Variants in SF3A1 observed in about 807,000 individuals in gnomAD.
The protein encoded by SF3A1 is SAP 114.
In SF3A1, 13 loss-of-function variants were observed where a neutral mutation model predicts 89.9. The observed-to-expected ratio is 0.14, with a 90% CI of 0.09 to 0.23. The LOEUF (loss-of-function observed/expected upper bound fraction) is 0.23. SF3A1 is among the 10% of genes least tolerant of loss of function. The pLI is 1.00. For missense variants in SF3A1, 604 were observed against 1,022.1 expected, an observed-to-expected ratio of 0.59 and a Z score of 5.58; for synonymous variants, 405 against 374.4, an observed-to-expected ratio of 1.08 and a Z score of -0.94.
chr22:30,337,205 C>T, intron 12 of SF3A1, 25 bp from the exon 13 acceptor site: 4 of 1,586,386 alleles, frequency 2.5e-6, no homozygotes, highest in Non-Finnish European at 3.4e-6. Context: ...ATAAGCAGCC[C>T]CATGAGAGGG....
intron 1 of SF3A1, among the ~76,000 whole-genome samples, chr22:30,354,537 T>G (rs1260659420): frequency 6.6e-6 from 1 of 152,146 alleles, no homozygotes; most frequent in Non-Finnish European, 1.5e-5. Context: ...CTGTTCTTGG[T>G]TCTCTTCTCA....
At chr22:30,351,991 T>C (rs920634168) in intron 2 of SF3A1, among the ~76,000 whole-genome samples, 3 of 152,070 alleles carry the variant, frequency 2.0e-5, no homozygotes, top group Non-Finnish European at 2.9e-5. Flanking sequence ...GTAAGTACAG[T>C]GGGGAGAGAC....
intron 2 of SF3A1, 43 bp from the exon 3 acceptor site, chr22:30,346,562 T>A (rs1483938283): frequency 6.2e-7 from 1 of 1,604,940 alleles, no homozygotes; most frequent in African/African-American, 1.3e-5. Flanking sequence ...CACTCCCTTG[T>A]GCCTGCTGTG....
chr22:30,345,563 T>C (rs1461850814), intron 3 of SF3A1, among the ~76,000 whole-genome samples: 1 of 152,136 alleles, frequency 6.6e-6, no homozygotes, highest in Non-Finnish European at 1.5e-5. Context: ...AAAACCCCAC[T>C]GTACAAAGTG....
At position 30,340,199 on chromosome 22, in the gene SF3A1, G is replaced by T; in HGVS notation, c.1372C>A (p.Pro458Thr). Residue 458 changes from proline to threonine, a missense_variant, in exon 9 of 16, where the codon CCA becomes ACA. Pro to Thr is a conservative substitution (Grantham distance 38, BLOSUM62 -1). Transcript: ENST00000215793. ...TCTCCTGGAACCCCCACCTCACCTGGTGCGTACACCTCATCATCGCTCTGC... is the reference window on the plus strand; with the variant it reads ...TCTCCTGGAACCCCCACCTCACCTGTTGCGTACACCTCATCATCGCTCTGC... ...EKQSDDEVYAPGLDIESSLKQ... is the reference protein window; with the variant it reads ...EKQSDDEVYATGLDIESSLKQ... 1 of 1,541,550 alleles carries T rather than the reference G, an allele frequency of 6.5e-7. No homozygotes were observed. Among genetic ancestry groups the T allele is most frequent in the Non-Finnish European group, 8.7e-7 (1 of 1,146,570 alleles).
chr22:30,337,190 CAAG>C lies in SF3A1; in HGVS notation c.1952-13_1952-11del. The C allele has an allele frequency of 1.2e-6, 2 of 1,600,710 alleles. No individual in the cohort carries two copies. The highest frequency in any genetic ancestry group is 4.5e-5 in the East Asian group (2 of 44,826). ...GGAGCAGGCACAAAGGCTGCAAAGA[CAAG>C]AATAAGCAGCCCCATGAGAGGGCAG... On this transcript the variant is annotated splice_polypyrimidine_tract_variant and intron_variant, in intron 12 of 15. Transcript: ENST00000215793.
chr22:30,338,574 A>C lies in SF3A1; in HGVS notation c.1743+215T>G, dbSNP rs189352042. Among the ~76,000 whole-genome samples the C allele has an allele frequency of 2.1e-4, 32 of 151,864 alleles. No individual in the cohort carries two copies. The East Asian group carries it at 5.8e-3, about 28-fold the overall frequency. On this transcript the variant is annotated intron_variant, in intron 11 of 15. Transcript: ENST00000215793. ...CTTCTCTGACGCCAACTGGTTTCTC[A>C]TATTTGCCACTTACCTCCCTCCCTG...
At position 30,337,018 on chromosome 22, in the gene SF3A1, T is replaced by A; in HGVS notation, c.2106+8A>T. ...TAGAAACTTCAGCAGCATTCTGGGATTACATACCTTGTTTCTGCGCAGGAA... is the reference window on the plus strand; with the variant it reads ...TAGAAACTTCAGCAGCATTCTGGGAATACATACCTTGTTTCTGCGCAGGAA... On this transcript the variant is annotated splice_region_variant and intron_variant, in intron 13 of 15. Transcript: ENST00000215793. 1 of 1,613,994 alleles carries A rather than the reference T, an allele frequency of 6.2e-7. No individual in the cohort carries two copies. Among genetic ancestry groups the A allele is most frequent in the Non-Finnish European group, 8.5e-7 (1 of 1,179,964 alleles).
At chr22:30,356,485 G>C (rs1045138652) in intron 1 of SF3A1, 5 of 393,510 alleles carry the variant, frequency 1.3e-5, no homozygotes, top group Non-Finnish European at 2.2e-5. Context: ...CTACGGCGGA[G>C]ACTCCACATT....
chr22:30,353,581 C>T (rs538558791), intron 1 of SF3A1, among the ~76,000 whole-genome samples: 1 of 152,182 alleles, frequency 6.6e-6, no homozygotes, highest in Admixed American at 6.5e-5. Flanking sequence ...TATGAGAAAG[C>T]ACTGTAAAAC....
chr22:30,353,760 G>A (rs543082932), intron 1 of SF3A1, among the ~76,000 whole-genome samples: 55 of 152,172 alleles, frequency 3.6e-4, no homozygotes, highest in African/African-American at 1.1e-3. Context: ...CGACGCTCCC[G>A]GATGAATAAA....
intron 13 of SF3A1, among the ~76,000 whole-genome samples, chr22:30,336,093 G>A (rs149466560): frequency 1.0e-3 from 158 of 152,264 alleles, no homozygotes; most frequent in Non-Finnish European, 5.3e-4. Context: ...CAGCTAACAA[G>A]GTTTGTCTGA....
rs577593307 is a variant in SF3A1 at position 30,350,323 on chromosome 22, A to T, written c.185+2628T>A. Among the ~76,000 whole-genome samples, 32 of 149,238 alleles carry T rather than the reference A, an allele frequency of 2.1e-4. 1 individual carries two copies. The highest frequency in any genetic ancestry group is 4.3e-4 in the South Asian group (2 of 4,698). ...AAAAACTAAAAAAAATAAAAAAAATAAAAAAAAAATTAGCTGGGTGTGGTG... is the reference window on the plus strand; with the variant it reads ...AAAAACTAAAAAAAATAAAAAAAATTAAAAAAAAATTAGCTGGGTGTGGTG... On this transcript the variant is annotated intron_variant, in intron 2 of 15. Coordinates refer to ENST00000215793, the MANE Select transcript of SF3A1 (RefSeq NM_005877.6).
chr22:30,345,541 A>T (rs1931392991), intron 3 of SF3A1, among the ~76,000 whole-genome samples: 1 of 152,186 alleles, frequency 6.6e-6, no homozygotes, highest in Admixed American at 6.5e-5. Context: ...CAGAAGGCCT[A>T]CATGTGTGCA....
chr22:30,336,994 A>T, intron 13 of SF3A1, 32 bp downstream of exon 13: 1 of 1,613,842 alleles, frequency 6.2e-7, no homozygotes, highest in Non-Finnish European at 8.5e-7. Flanking sequence ...CCCTCCAGCT[A>T]GAAACTTCAG....
rs899991648 is a variant in SF3A1 at position 30,342,392 on chromosome 22, G to T, written c.727-42C>A. On this transcript the variant is annotated intron_variant, in intron 5 of 15. Coordinates refer to ENST00000215793, the MANE Select transcript of SF3A1 (RefSeq NM_005877.6). The stretch of plus-strand genomic sequence containing the variant: ...CAGCTTGGTGCTACGCTGAAGCAGG[G>T]TCTGCTCCTGATGAGGCTACCACCT... The T allele has an allele frequency of 7.7e-6, 12 of 1,556,680 alleles. No individual in the cohort carries two copies. The African/African-American group carries it at 1.5e-4, about 19-fold the overall frequency.
intron 8 of SF3A1, 91 bp from the exon 9 acceptor site, chr22:30,340,472 G>GC: frequency 7.5e-7 from 1 of 1,324,594 alleles, no homozygotes; most frequent in Non-Finnish European, 1.1e-6. Flanking sequence ...ATTCATCAAG[G>GC]CATCTATTCA....
At chr22:30,343,908 CT>C (rs1164782528) in intron 4 of SF3A1, among the ~76,000 whole-genome samples, 4 of 152,154 alleles carry the variant, frequency 2.6e-5, no homozygotes, top group Non-Finnish European at 5.9e-5. Flanking sequence ...TTCTCAAGTC[CT>C]TTCAAGTCAG....
chr22:30,337,662 C>A (rs1236433084), intron 12 of SF3A1, 28 bp downstream of exon 12: 6 of 1,071,856 alleles, frequency 5.6e-6, no homozygotes, highest in East Asian at 2.6e-5. Context: ...GAACTAATGG[C>A]CTGGAAAATG....
Sources: gnomAD v4.1 joint callset for allele counts (sites outside exome capture counted in the v4.1 genomes callset) on GRCh38, gnomAD v4.1.1 for gene constraint, MANE v1.5 for transcripts, NCBI Gene and HGNC (gene_info 2026-07-23, HGNC 2026-07-21) for gene names.